Variants in NEDD4L observed in about 807,000 individuals in gnomAD.
The protein encoded by NEDD4L is NEDD4 like E3 ubiquitin protein ligase, also known as E3 ubiquitin-protein ligase NEDD4-like.
Under a neutral mutation model 148.9 loss-of-function variants are expected in NEDD4L, and 54 were observed. The ratio of observed to expected loss-of-function variants is 0.36; its 90% CI spans 0.29 to 0.45. The LOEUF is 0.45. NEDD4L is among the 20% of genes least tolerant of loss of function. NEDD4L has a pLI of 1.00. For missense variants in NEDD4L, 856 were observed against 1,233.8 expected (o/e 0.69, Z 4.59); for synonymous variants, 433 against 440.7 (o/e 0.98, Z 0.22).
At position 58,378,694 on chromosome 18, in the gene NEDD4L, A is replaced by T. The variant is rs1463000466; in HGVS notation, c.2353-4552A>T. On this transcript the variant is annotated intron_variant, in intron 24 of 30. Coordinates refer to ENST00000400345, the MANE Select transcript of NEDD4L (RefSeq NM_001144967.3). ...TGCCCCCGAGGCCGTGCCCTGCAGGATTTGTGAGCACCCATCAGTGGGCGT... is the reference window on the plus strand; with the variant it reads ...TGCCCCCGAGGCCGTGCCCTGCAGGTTTTGTGAGCACCCATCAGTGGGCGT... 1.4e-4 allele frequency among the ~76,000 whole-genome samples: 21 copies of T among 152,104 alleles called. 1 individual carries two copies. The highest frequency in any genetic ancestry group is 4.4e-5 in the Non-Finnish European group (3 of 68,008).
chr18:58,243,244 A>G (rs1486021293), intron 2 of NEDD4L, among the ~76,000 whole-genome samples: 1 of 152,176 alleles, frequency 6.6e-6, no homozygotes, highest in Non-Finnish European at 1.5e-5. Flanking sequence ...ATAACTGTGG[A>G]TTCTGTATGT....
chr18:58,250,980 T>C (rs1196030771), intron 4 of NEDD4L, among the ~76,000 whole-genome samples: 1 of 152,170 alleles, frequency 6.6e-6, no homozygotes, highest in Non-Finnish European at 1.5e-5. Context: ...AGTAGCTCTG[T>C]CATTGCCTCA....
chr18:58,145,516 G>A (rs940996587), intron 1 of NEDD4L, among the ~76,000 whole-genome samples: 2 of 152,112 alleles, frequency 1.3e-5, no homozygotes, highest in African/African-American at 4.8e-5. Flanking sequence ...ATGAGATAAT[G>A]TCAAAGTATT....
intron 1 of NEDD4L, among the ~76,000 whole-genome samples, chr18:58,078,763 C>T (rs1238387299): frequency 2.6e-5 from 4 of 152,104 alleles, no homozygotes; most frequent in Non-Finnish European, 4.4e-5. Context: ...TTTGCTCTGG[C>T]CCCTCCGAGG....
intron 1 of NEDD4L, among the ~76,000 whole-genome samples, chr18:58,156,717 A>G (rs887087058): frequency 6.6e-6 from 1 of 152,006 alleles, no homozygotes; most frequent in Admixed American, 6.6e-5. Context: ...TGGGTTAATG[A>G]CCGCCAGTTC....
At chr18:58,102,848 A>G (rs142590006) in intron 1 of NEDD4L, among the ~76,000 whole-genome samples, 19 of 152,278 alleles carry the variant, frequency 1.2e-4, no homozygotes, top group African/African-American at 4.6e-4. Flanking sequence ...TCCACCATCA[A>G]TGCTGAGGGA....
At chr18:58,105,401 G>GAGGGT (rs1313686784) in intron 1 of NEDD4L, among the ~76,000 whole-genome samples, 4 of 152,204 alleles carry the variant, frequency 2.6e-5, no homozygotes. Flanking sequence ...AGAGACTTGG[G>GAGGGT]AGGGTAGGGG....
At chr18:58,348,326 CTTTTTTTTTTT>C (rs771263533) in intron 16 of NEDD4L, among the ~76,000 whole-genome samples, 9 of 88,670 alleles carry the variant, frequency 1.0e-4, no homozygotes, top group South Asian at 4.5e-4. Context: ...TCTTTTTTTT[CTTTTTTTTTTT>C]TTTTTTTTTT....
At chr18:58,353,720 G>A (rs956563542) in intron 18 of NEDD4L, among the ~76,000 whole-genome samples, 1 of 152,220 alleles carries the variant, frequency 6.6e-6, no homozygotes, top group African/African-American at 2.4e-5. Context: ...ATTTAGGAAT[G>A]TCCTTTCTGT....
At chr18:58,351,335 T>C (rs766176731) in intron 18 of NEDD4L, 1 of 185,620 alleles carries the variant, frequency 5.4e-6, no homozygotes, top group Admixed American at 6.5e-5. Flanking sequence ...CCCTTGACTT[T>C]TGCACATTTA....
intron 29 of NEDD4L, among the ~76,000 whole-genome samples, chr18:58,391,242 A>G (rs2049797940): frequency 6.6e-6 from 1 of 152,184 alleles, no homozygotes; most frequent in South Asian, 2.1e-4. Flanking sequence ...CTTTCCACGT[A>G]ACTGTTGTGT....
rs540851942 is a variant in NEDD4L, at chr18:58,310,586, A to C, written c.298-5396A>C. On this transcript the variant is annotated intron_variant, in intron 5 of 30. Transcript: ENST00000400345. ...GCAGAGGCACCACCCAGGTGCAGAAACCTTCCTTGGGTTATGCAACGCCCA... is the reference window on the plus strand; with the variant it reads ...GCAGAGGCACCACCCAGGTGCAGAACCCTTCCTTGGGTTATGCAACGCCCA... Among the ~76,000 whole-genome samples, 4 of 152,326 alleles carry C rather than the reference A, an allele frequency of 2.6e-5. No individual in the cohort carries two copies. The South Asian group carries it at 8.3e-4, about 32-fold the overall frequency.
At chr18:58,173,011 A>T (rs1269322580) in intron 2 of NEDD4L, among the ~76,000 whole-genome samples, 1 of 152,212 alleles carries the variant, frequency 6.6e-6, no homozygotes, top group Non-Finnish European at 1.5e-5. Flanking sequence ...GAATTGGAGT[A>T]TCATCAACTA....
intron 1 of NEDD4L, among the ~76,000 whole-genome samples, chr18:58,152,190 T>C (rs528602713): frequency 1.3e-5 from 2 of 152,216 alleles, no homozygotes; most frequent in South Asian, 4.1e-4. Context: ...AGCACCTCTG[T>C]TAATATGTGT....
chr18:58,376,630 T>TC (rs1450822469), intron 24 of NEDD4L, among the ~76,000 whole-genome samples: 8 of 152,056 alleles, frequency 5.3e-5, no homozygotes, highest in Non-Finnish European at 2.9e-5. Flanking sequence ...GCTCCCATCT[T>TC]CCCCACTAGA....
rs527365431 is a variant in NEDD4L at position 58,171,583 on chromosome 18, C to A, written c.122+5722C>A. On this transcript the variant is annotated intron_variant, in intron 2 of 30. Transcript: ENST00000400345. ...TCCAGCCCTGTCTTATTGGTGTTTG[C>A]AGGTCCAGAAATCTTGGCACATGAC... is the stretch of plus-strand genomic sequence containing the variant. Among the ~76,000 whole-genome samples, 3 of 152,374 alleles carry A rather than the reference C, an allele frequency of 2.0e-5. No homozygotes were observed. The East Asian group carries it at 5.8e-4, about 29-fold the overall frequency.
chr18:58,098,627 T>C (rs187422699), intron 1 of NEDD4L, among the ~76,000 whole-genome samples: 10 of 152,306 alleles, frequency 6.6e-5, no homozygotes, highest in Admixed American at 3.3e-4. Context: ...AGCTGTACAG[T>C]TGCTAGCTGC....
chr18:58,245,565 A>G lies in NEDD4L; in HGVS notation c.204+57A>G. ...AAGTCATAATTTAATCCAATTATGCACAGTCATGTGCTGCTTAACACCTTT... is the reference window on the plus strand; with the variant it reads ...AAGTCATAATTTAATCCAATTATGCGCAGTCATGTGCTGCTTAACACCTTT... On this transcript the variant is annotated intron_variant, in intron 3 of 30. Transcript: ENST00000400345. 4.3e-6 allele frequency: 4 copies of G among 932,720 alleles called. No individual in the cohort carries two copies. In the South Asian group the frequency reaches 5.9e-5, roughly 14 times the overall value. 57.8% of individuals were successfully genotyped at this position (932,720 alleles called of 1,614,324 possible).
intron 1 of NEDD4L, among the ~76,000 whole-genome samples, chr18:58,080,347 G>A (rs1194904747): frequency 6.6e-6 from 1 of 152,242 alleles, no homozygotes; most frequent in Non-Finnish European, 1.5e-5. Flanking sequence ...AAAAGATTTA[G>A]GTTTGACATC....
Sources: allele counts gnomAD v4.1 joint callset (sites outside exome capture counted in the v4.1 genomes callset), GRCh38; gene constraint gnomAD v4.1.1; transcripts MANE v1.5; gene names NCBI Gene and HGNC (gene_info 2026-07-23, HGNC 2026-07-21).